Variants in MAP3K9 observed in about 807,000 individuals in gnomAD.
MAP3K9 encodes mitogen-activated protein kinase kinase kinase 9.
In MAP3K9, 46 loss-of-function variants were observed where a neutral mutation model predicts 95.8. The observed-to-expected ratio is 0.48, with a 90% CI of 0.38 to 0.61. The LOEUF is 0.61. Among genes scored for constraint, MAP3K9 ranks in the 20% least tolerant of loss-of-function variants. MAP3K9 has a pLI of 0.00. For missense variants in MAP3K9, 1,296 were observed against 1,474.3 expected (o/e 0.88, Z 1.98); for synonymous variants, 533 against 593.8 (o/e 0.90, Z 1.49).
intron 2 of MAP3K9, among the ~76,000 whole-genome samples, chr14:70,800,252 G>T (rs118051339): frequency 0.01 from 1,585 of 152,260 alleles, 19 homozygotes; most frequent in Non-Finnish European, 0.017. Flanking sequence ...GGTATCTCAA[G>T]TTGAGGTGTT....
intron 2 of MAP3K9, among the ~76,000 whole-genome samples, chr14:70,763,580 G>A (rs539750910): frequency 9.2e-5 from 14 of 151,620 alleles, no homozygotes; most frequent in African/African-American, 3.4e-4. Context: ...ATTCAGGCTG[G>A]TGTGCAGTGG....
chr14:70,737,284 G>C (rs534776754), intron 8 of MAP3K9, among the ~76,000 whole-genome samples: 5 of 152,322 alleles, frequency 3.3e-5, no homozygotes, highest in African/African-American at 7.2e-5. Context: ...CACTCACAAA[G>C]ATGAACTTAT....
At chr14:70,749,092 G>T in intron 4 of MAP3K9, 88 bp from the exon 5 acceptor site, 1 of 1,270,562 alleles carries the variant, frequency 7.9e-7, no homozygotes, top group Non-Finnish European at 1.1e-6. Context: ...TCACTTCCCA[G>T]AAAACTACCT....
intron 2 of MAP3K9, among the ~76,000 whole-genome samples, chr14:70,767,344 A>ACT (rs1832054982): frequency 7.2e-6 from 1 of 139,098 alleles, no homozygotes; most frequent in South Asian, 2.3e-4. Flanking sequence ...AGACTGCGCC[A>ACT]CTGCACTCCA....
At chr14:70,769,673 G>A (rs2054504684) in intron 2 of MAP3K9, among the ~76,000 whole-genome samples, 2 of 152,196 alleles carry the variant, frequency 1.3e-5, no homozygotes, top group Admixed American at 1.3e-4. Flanking sequence ...AGTTTTTAGT[G>A]TCCCTTGGCT....
rs1365911388 is a variant in MAP3K9, at chr14:70,761,169, C to T, written c.834G>A (p.Gln278=). The T allele has an allele frequency of 3.1e-6, 5 of 1,613,320 alleles. No homozygotes were observed. The East Asian group carries it at 8.9e-5, about 29-fold the overall frequency. Residue 278 remains glutamine, a synonymous_variant, in exon 3 of 12, where the codon CAG becomes CAA. Transcript: ENST00000554752. ...TGCTCAGGTCTCCATTCTCCACCTT[C>T]TGGAGGATCAATACTAGGCAAGGAA... The part of the protein sequence containing the change: ...DLKSSNILIL[Q]KVENGDLSNK...
intron 2 of MAP3K9, among the ~76,000 whole-genome samples, chr14:70,798,567 C>G (rs1275065517): frequency 6.9e-6 from 1 of 145,582 alleles, no homozygotes; most frequent in East Asian, 2.0e-4. Flanking sequence ...CAAGCTCCGC[C>G]TCCCGGGTTC....
chr14:70,733,298 G>A lies in MAP3K9; in HGVS notation c.2071C>T (p.Gln691Ter). The A allele has an allele frequency of 6.3e-7, 1 of 1,591,770 alleles. No homozygotes were observed. Among genetic ancestry groups the A allele is most frequent in the Non-Finnish European group, 8.6e-7 (1 of 1,164,170 alleles). ...EGPGSGESRL[Q>*]HSPSQSYLCI... ...AGGTAGGACTGGCTGGGTGAATGCTGTAGGCGACTCTCTCCACTCCCTGGG... is the reference window on the plus strand; with the variant it reads ...AGGTAGGACTGGCTGGGTGAATGCTATAGGCGACTCTCTCCACTCCCTGGG... The change falls in exon 11 of 12, where the codon CAG becomes TAG. Residue 691 changes from glutamine (Q) to a stop codon, truncating the protein, a stop_gained. Transcript: ENST00000554752. LOFTEE classifies it high-confidence loss of function.
intron 2 of MAP3K9, among the ~76,000 whole-genome samples, chr14:70,776,991 C>T (rs1334970938): frequency 2.6e-5 from 4 of 152,224 alleles, no homozygotes; most frequent in African/African-American, 9.6e-5. Context: ...CCACCACACC[C>T]GGCTAATTTT....
intron 7 of MAP3K9, among the ~76,000 whole-genome samples, chr14:70,738,698 T>C (rs752415274): frequency 1.3e-5 from 2 of 151,986 alleles, no homozygotes; most frequent in Non-Finnish European, 2.9e-5. Context: ...ACTTTACCTG[T>C]TTTGTTGGGT....
chr14:70,723,050 G>A lies in MAP3K9; in HGVS notation c.*7330C>T, dbSNP rs1454393186. 6.6e-6 allele frequency: 1 copy of A among 152,212 alleles called. No homozygotes were observed. The highest frequency in any genetic ancestry group is 2.4e-5 in the African/African-American group (1 of 41,440). 9.4% of individuals were successfully genotyped at this position (152,212 alleles called of 1,614,324 possible). On this transcript the variant is annotated 3_prime_UTR_variant, in exon 12 of 12. Coordinates refer to ENST00000554752, the MANE Select transcript of MAP3K9 (RefSeq NM_001284230.2). ...TATCTGGGTTTCGGTGGGGAGTGCA[G>A]GATGAGTAGGGAGGGAAATCAGAAA...
chr14:70,734,215 T>C (rs6573978), intron 10 of MAP3K9, among the ~76,000 whole-genome samples, 171 bp downstream of exon 10: 136,614 of 152,292 alleles, frequency 0.9, 61,402 homozygotes, highest in Middle Eastern at 0.94. Flanking sequence ...GGCCCCTTAA[T>C]ACAAGTGTAG....
chr14:70,795,393 C>T (rs1207179457), intron 2 of MAP3K9, among the ~76,000 whole-genome samples: 4 of 152,128 alleles, frequency 2.6e-5, no homozygotes, highest in African/African-American at 9.7e-5. Context: ...ACTGCAGCCT[C>T]AACTTTCCAG....
Position 70,725,105 on chromosome 14 carries a change from C to A in MAP3K9, c.*5275G>T, listed in dbSNP as rs1402573947. The A allele has an allele frequency of 2.6e-5, 4 of 152,334 alleles. No individual in the cohort carries two copies. The highest frequency in any genetic ancestry group is 9.7e-5 in the African/African-American group (4 of 41,438). 9.4% of individuals were successfully genotyped at this position (152,334 alleles called of 1,614,324 possible). ...GTGTGGAAAAGCTCAGCTCCTATAA[C>A]CAGCTGGGCCCCAAAGCTCTTCTCT... is the stretch of plus-strand genomic sequence containing the variant. On this transcript the variant is annotated 3_prime_UTR_variant, in exon 12 of 12. Coordinates refer to ENST00000554752, the MANE Select transcript of MAP3K9 (RefSeq NM_001284230.2).
At position 70,726,058 on chromosome 14, in the gene MAP3K9, C is replaced by T. The variant is rs2053816778; in HGVS notation, c.*4322G>A. 6.6e-6 allele frequency: 1 copy of T among 152,278 alleles called. No homozygotes were observed. Among genetic ancestry groups the T allele is most frequent in the Admixed American group, 6.5e-5 (1 of 15,286 alleles). The allele number at this position is 152,278 out of a possible 1,614,324, so 9.4% of individuals were successfully genotyped here. On this transcript the variant is annotated 3_prime_UTR_variant, in exon 12 of 12. Coordinates refer to ENST00000554752, the MANE Select transcript of MAP3K9 (RefSeq NM_001284230.2). The stretch of plus-strand genomic sequence containing the variant: ...CCAGGAAGTAGGCAGCTTTTATCAC[C>T]AGGTTCCTGCCAACACGGTTTCAAC...
Position 70,730,422 on chromosome 14 carries a change from G to T in MAP3K9, c.3273C>A (p.His1091Gln), listed in dbSNP as rs1248528644. 1 of 1,614,152 alleles carries T rather than the reference G, an allele frequency of 6.2e-7. No homozygotes were observed. The highest frequency in any genetic ancestry group is 8.5e-7 in the Non-Finnish European group (1 of 1,179,998). The change falls in exon 12 of 12, where the codon CAC (histidine) becomes CAA (glutamine). Residue 1091 changes from histidine (H) to glutamine (Q), a missense_variant. Physicochemically the swap from His to Gln is conservative, Grantham distance 24 (BLOSUM62 0). Coordinates refer to ENST00000554752, the MANE Select transcript of MAP3K9 (RefSeq NM_001284230.2). ...GCTGGATCTCATAAGGGGCAGGCCT[G>T]TGTGTGTTCAGTTCCGCTCTGCACA... ...VPLCRAELNT[H>Q]RPAPYEIQQE... is the part of the protein sequence containing the mutation.
chr14:70,750,478 T>TTTTG (rs1186446586), intron 3 of MAP3K9, among the ~76,000 whole-genome samples: 15 of 152,164 alleles, frequency 9.9e-5, no homozygotes, highest in South Asian at 2.1e-4. Flanking sequence ...CATTATTGTT[T>TTTTG]TTTGTTTGTT....
chr14:70,782,473 C>A lies in MAP3K9; in HGVS notation c.820+18194G>T, dbSNP rs567454399. 9.2e-5 allele frequency among the ~76,000 whole-genome samples: 14 copies of A among 152,300 alleles called. No homozygotes were observed. In the East Asian group the frequency reaches 2.7e-3, roughly 29 times the overall value. The stretch of plus-strand genomic sequence containing the variant: ...GCGGTACAAGCCACCACAGATACCA[C>A]CTTCATCCCATCACCTTGCAGGCAA... On this transcript the variant is annotated intron_variant, in intron 2 of 11. Transcript: ENST00000554752.
intron 1 of MAP3K9, 152 bp downstream of exon 1, chr14:70,808,614 G>A (rs1030615850): frequency 7.9e-5 from 45 of 571,504 alleles, no homozygotes; most frequent in Non-Finnish European, 1.2e-4. Flanking sequence ...GCAAAGCCCG[G>A]GCAGCCTAAG....
Sources: gnomAD v4.1 joint callset for allele counts (sites outside exome capture counted in the v4.1 genomes callset) on GRCh38, gnomAD v4.1.1 for gene constraint, MANE v1.5 for transcripts, NCBI Gene and HGNC (gene_info 2026-07-23, HGNC 2026-07-21) for gene names.